ITPRIP: variants seen among roughly 807,000 people sequenced by gnomAD.
ITPRIP encodes the protein inositol 1,4,5-trisphosphate receptor interacting protein.
Under a neutral mutation model 35.8 loss-of-function variants are expected in ITPRIP, and 32 were observed. That is an observed-to-expected ratio of 0.89 (90% CI 0.68 to 1.20). The LOEUF (loss-of-function observed/expected upper bound fraction) is 1.20. ITPRIP is among the 50% of genes most tolerant of loss of function. The pLI, the probability that ITPRIP is intolerant of heterozygous loss-of-function variation, is 0.00. For synonymous variants in ITPRIP, 358 were observed against 324.0 expected (o/e 1.11, Z -1.13); for missense variants, 653 against 735.6 (o/e 0.89, Z 1.30).
At chr10:104,321,689 GTTTCT>G (rs1359007205) in intron 1 of ITPRIP, among the ~76,000 whole-genome samples, 2 of 149,314 alleles carry the variant, frequency 1.3e-5, no homozygotes, top group South Asian at 4.2e-4. Flanking sequence ...ACCACTGTAA[GTTTCT>G]TTTCTTTTCT....
Position 104,314,189 on chromosome 10 carries a change from A to G in ITPRIP, c.*219T>C. ...AAGGGATCAGTCCCTAAACCCAAAT[A>G]ACAGCTTTACCAGCAGATCCCAATG... On this transcript the variant is annotated 3_prime_UTR_variant, in exon 2 of 2. Transcript: ENST00000337478. 1 of 1,362,244 alleles carries G rather than the reference A, an allele frequency of 7.3e-7. No individual in the cohort carries two copies. Among genetic ancestry groups the G allele is most frequent in the Non-Finnish European group, 9.4e-7 (1 of 1,060,190 alleles). 84.4% of individuals were successfully genotyped at this position (1,362,244 alleles called of 1,614,324 possible).
At chr10:104,331,235 A>G (rs544715288) in intron 1 of ITPRIP, among the ~76,000 whole-genome samples, 1 of 152,168 alleles carries the variant, frequency 6.6e-6, no homozygotes, top group Non-Finnish European at 1.5e-5. Flanking sequence ...CAGGGGTAGG[A>G]CCCAGGCAGC....
chr10:104,335,071 A>C (rs573359505), intron 1 of ITPRIP, among the ~76,000 whole-genome samples: 7 of 152,336 alleles, frequency 4.6e-5, no homozygotes, highest in Non-Finnish European at 8.8e-5. Flanking sequence ...GACGTGATCC[A>C]GGTAAACACC....
chr10:104,330,076 C>T (rs560799533), intron 1 of ITPRIP, among the ~76,000 whole-genome samples: 4 of 152,282 alleles, frequency 2.6e-5, no homozygotes, highest in Admixed American at 1.3e-4. Flanking sequence ...GTCAGCAGCA[C>T]CCTCCCTTAC....
intron 1 of ITPRIP, among the ~76,000 whole-genome samples, chr10:104,322,178 A>G (rs276229): frequency 0.11 from 16,592 of 152,052 alleles, 1,996 homozygotes; most frequent in African/African-American, 0.3. Context: ...GGGAGATGTC[A>G]GTGTGCAACT....
chr10:104,314,930 T>C lies in ITPRIP; in HGVS notation c.1122A>G (p.Pro374=), dbSNP rs536937676. 8 of 1,613,640 alleles carry C rather than the reference T, an allele frequency of 5.0e-6. No individual in the cohort carries two copies. The African/African-American group carries it at 1.1e-4, about 22-fold the overall frequency. The change falls in exon 2 of 2, where the codon CCA becomes CCG. Residue 374 remains proline, a synonymous_variant. Transcript: ENST00000337478. ...ACAGGAGCCAGTCTGTGCTGGAGGC[T>C]GGGGTGCCCTCAGAGGGCTCCCTGG... ...HLPREPSEGT[P]ASSTDWLLSF... is the part of the protein sequence containing the mutation.
At chr10:104,318,105 G>C (rs1222794549) in intron 1 of ITPRIP, among the ~76,000 whole-genome samples, 1 of 152,184 alleles carries the variant, frequency 6.6e-6, no homozygotes, top group Non-Finnish European at 1.5e-5. Flanking sequence ...CTGCAAGGTG[G>C]GTGGGGTAAG....
intron 1 of ITPRIP, among the ~76,000 whole-genome samples, chr10:104,316,830 C>A (rs2013707288): frequency 6.6e-6 from 1 of 152,176 alleles, no homozygotes; most frequent in South Asian, 2.1e-4. Flanking sequence ...TACAGTGAAG[C>A]CTAGTGGTTA....
At chr10:104,325,522 C>A (rs2013977910) in intron 1 of ITPRIP, among the ~76,000 whole-genome samples, 1 of 152,232 alleles carries the variant, frequency 6.6e-6, no homozygotes, top group Non-Finnish European at 1.5e-5. Context: ...TCTGTGCCAG[C>A]CCTTGTAGGA....
chr10:104,321,366 G>A (rs1450577395), intron 1 of ITPRIP, among the ~76,000 whole-genome samples: 1 of 152,180 alleles, frequency 6.6e-6, no homozygotes, highest in Non-Finnish European at 1.5e-5. Context: ...GCCTGGCAAC[G>A]CTGGAGTCAC....
intron 1 of ITPRIP, among the ~76,000 whole-genome samples, chr10:104,321,909 C>G (rs2135190803): frequency 6.6e-6 from 1 of 152,186 alleles, no homozygotes; most frequent in Middle Eastern, 3.4e-3. Flanking sequence ...ATGTACGGAG[C>G]ACATACTGAG....
At chr10:104,331,016 G>A (rs987796409) in intron 1 of ITPRIP, among the ~76,000 whole-genome samples, 1 of 152,356 alleles carries the variant, frequency 6.6e-6, no homozygotes, top group Middle Eastern at 3.4e-3. Context: ...ATGTGGGCAT[G>A]AAGCAGGGAG....
Position 104,333,157 on chromosome 10 carries a change from TA to T in ITPRIP, c.-14+5088del, listed in dbSNP as rs1333768530. Reference sequence around the variant, plus strand: ...CAGATCCAGGCTGCAGGAGGACCCCTAAGGAGTCCCGTTCAGAGAACTGAAG... The same window carrying T: ...CAGATCCAGGCTGCAGGAGGACCCCTAGGAGTCCCGTTCAGAGAACTGAAG... On this transcript the variant is annotated intron_variant, in intron 1 of 1. Transcript: ENST00000337478. The surrounding 1 kb of genome is among the most constrained non-coding windows in gnomAD (Gnocchi z 4.1). 6.6e-6 allele frequency among the ~76,000 whole-genome samples: 1 copy of T among 152,096 alleles called. No individual in the cohort carries two copies. Among genetic ancestry groups the T allele is most frequent in the Non-Finnish European group, 1.5e-5 (1 of 68,000 alleles).
Position 104,316,066 on chromosome 10 carries a change from T to C in ITPRIP, c.-13-2A>G. The C allele has an allele frequency of 7.7e-6, 12 of 1,550,076 alleles. No individual in the cohort carries two copies. Among genetic ancestry groups the C allele is most frequent in the Non-Finnish European group, 1.0e-5 (12 of 1,152,276 alleles). ...CCCATGGCCATGGTTGGAGCTTTCCTGGGAACAGAGAGACAGATGGTCACA... is the reference window on the plus strand; with the variant it reads ...CCCATGGCCATGGTTGGAGCTTTCCCGGGAACAGAGAGACAGATGGTCACA... On this transcript the variant is annotated splice_acceptor_variant, in intron 1 of 1. Transcript: ENST00000337478. LOFTEE classifies it low-confidence loss of function (5UTR_SPLICE).
chr10:104,330,888 C>T (rs2014134349), intron 1 of ITPRIP, among the ~76,000 whole-genome samples: 1 of 152,198 alleles, frequency 6.6e-6, no homozygotes, highest in African/African-American at 2.4e-5. Context: ...TATACTCTTC[C>T]CATGAAGCCA....
At chr10:104,318,644 T>C (rs2013754838) in intron 1 of ITPRIP, among the ~76,000 whole-genome samples, 1 of 151,966 alleles carries the variant, frequency 6.6e-6, no homozygotes, top group Non-Finnish European at 1.5e-5. Flanking sequence ...ACAGGCAAGG[T>C]TCAGAACTCC....
Position 104,314,536 on chromosome 10 carries a change from AG to A in ITPRIP, c.1515del (p.Phe506SerfsTer122). On this transcript the variant is annotated frameshift_variant, in exon 2 of 2. Coordinates refer to ENST00000337478, the MANE Select transcript of ITPRIP (RefSeq NM_001272013.2). LOFTEE classifies it high-confidence loss of function. ...LRAEPLNLFRPFVLQRSLYRK... is the reference protein window; with the variant it reads ...LRAEPLNLFRXFVLQRSLYRK... ...CGGTAAAGGCTTCGCTGCAGGACGAAGGGCCGGAAGAGGTTGAGGGGCTCGG... is the reference window on the plus strand; with the variant it reads ...CGGTAAAGGCTTCGCTGCAGGACGAAGGCCGGAAGAGGTTGAGGGGCTCGG... 1 of 1,614,182 alleles carries A rather than the reference AG, an allele frequency of 6.2e-7. No homozygotes were observed. Among genetic ancestry groups the A allele is most frequent in the South Asian group, 1.1e-5 (1 of 91,088 alleles).
chr10:104,324,092 A>G (rs2013926030), intron 1 of ITPRIP: 2 of 152,560 alleles, frequency 1.3e-5, no homozygotes, highest in South Asian at 2.1e-4. Context: ...GGGGAGTGAC[A>G]TGTCTCCACC....
chr10:104,331,937 T>G (rs2014158430), intron 1 of ITPRIP, among the ~76,000 whole-genome samples: 3 of 152,194 alleles, frequency 2.0e-5, no homozygotes, highest in Non-Finnish European at 2.9e-5. Context: ...TTCTCAGTAT[T>G]GACACTTAAA....
Sources: gnomAD v4.1 joint callset for allele counts (sites outside exome capture counted in the v4.1 genomes callset) on GRCh38, gnomAD v4.1.1 for gene constraint, Gnocchi (gnomAD v3.1) non-coding constraint, MANE v1.5 for transcripts, NCBI Gene and HGNC (gene_info 2026-07-23, HGNC 2026-07-21) for gene names.